PHKA1: variants seen among roughly 807,000 people sequenced by gnomAD.
PHKA1 encodes phosphorylase b kinase regulatory subunit alpha, skeletal muscle isoform.
Under a neutral mutation model 110.2 loss-of-function variants are expected in PHKA1, and 60 were observed. The ratio of observed to expected loss-of-function variants is 0.54; its 90% CI spans 0.44 to 0.68. The LOEUF is 0.68. PHKA1 is among the 30% of genes least tolerant of loss of function. PHKA1 has a pLI of 0.00. For synonymous variants in PHKA1, 316 were observed against 333.6 expected (o/e 0.95, Z 0.58); for missense variants, 801 against 942.5 (o/e 0.85, Z 1.97).
chrX:72,647,841 G>A (rs1313179717), intron 13 of PHKA1, among the ~76,000 whole-genome samples: 4 of 111,387 alleles, frequency 3.6e-5, no homozygotes, highest in African/African-American at 1.3e-4. Context: ...ATAGTTAGGG[G>A]GCAAAGAAGA....
chrX:72,582,423 G>C lies in PHKA1; in HGVS notation c.3473C>G (p.Ala1158Gly). ...CTGTTCTTGAAGGAACAAGTCATTGGCAATATGCACTATTTTTTCCACAGC... is the reference window on the plus strand; with the variant it reads ...CTGTTCTTGAAGGAACAAGTCATTGCCAATATGCACTATTTTTTCCACAGC... ...IIAVEKIVHI[A>G]NDLFLQEQKT... is the part of the protein sequence containing the mutation. The change falls in exon 31 of 32, where the codon GCC becomes GGC. Residue 1158 changes from alanine to glycine, a missense_variant. By Grantham distance (60) the Ala-to-Gly change is moderately conservative. Coordinates refer to ENST00000373542, the MANE Select transcript of PHKA1 (RefSeq NM_002637.4). 8.3e-7 allele frequency: 1 copy of C among 1,201,366 alleles called. No individual in the cohort carries two copies. Among genetic ancestry groups the C allele is most frequent in the Non-Finnish European group, 1.1e-6 (1 of 886,149 alleles).
intron 5 of PHKA1, among the ~76,000 whole-genome samples, chrX:72,677,351 G>A (rs1271433686): frequency 8.9e-6 from 1 of 111,787 alleles, no homozygotes; most frequent in Non-Finnish European, 1.9e-5. Context: ...CAATTCCACT[G>A]TTACTATTTT....
At chrX:72,678,059 T>A (rs556816153) in intron 5 of PHKA1, among the ~76,000 whole-genome samples, 1 of 111,274 alleles carries the variant, frequency 9.0e-6, no homozygotes, top group African/African-American at 3.3e-5. Flanking sequence ...AAACAAAACA[T>A]AACAAAATAA....
At chrX:72,597,531 C>T (rs889197612) in intron 28 of PHKA1, among the ~76,000 whole-genome samples, 25 of 111,016 alleles carry the variant, frequency 2.3e-4, no homozygotes, top group African/African-American at 8.2e-4. Context: ...TTTTTTTTAA[C>T]TTTTGTAGGT....
chrX:72,714,245 GC>G lies in PHKA1; in HGVS notation c.-366del, dbSNP rs2054429824. 5.8e-6 allele frequency: 1 copy of G among 173,640 alleles called. No homozygotes were observed. Among genetic ancestry groups the G allele is most frequent in the African/African-American group, 3.1e-5 (1 of 32,248 alleles). The allele number at this position is 173,640 out of a possible 1,213,427, so 14.3% of individuals were successfully genotyped here. On this transcript the variant is annotated 5_prime_UTR_variant, in exon 1 of 32. Transcript: ENST00000373542. ...GCGGCCCACAGCCTCCCGCCCGGCC[GC>G]CGCCAACAGGTCAACGACCGCTGCG...
chrX:72,702,273 C>A (rs2054214945), intron 3 of PHKA1, among the ~76,000 whole-genome samples: 1 of 110,900 alleles, frequency 9.0e-6, no homozygotes, highest in African/African-American at 3.3e-5. Flanking sequence ...CATGGTGAAA[C>A]CCCATATCTA....
intron 29 of PHKA1, among the ~76,000 whole-genome samples, chrX:72,584,902 TC>T (rs1341118123): frequency 2.2e-5 from 1 of 44,584 alleles, no homozygotes; most frequent in Non-Finnish European, 3.8e-5. Context: ...CCCTCCCCCC[TC>T]CCCCCACCCC....
Position 72,644,507 on chromosome X carries a change from CAAA to C in PHKA1, c.1325-14_1325-12del, listed in dbSNP as rs1416521795. On this transcript the variant is annotated splice_polypyrimidine_tract_variant and intron_variant, in intron 13 of 31. Transcript: ENST00000373542. Reference sequence around the variant, plus strand: ...CAGCTAGAATGGAGACTAGAGGAGACAAAGAAGATGAGGTCAACAGAAAATTTT... The same window carrying C: ...CAGCTAGAATGGAGACTAGAGGAGACGAAGATGAGGTCAACAGAAAATTTT... The C allele has an allele frequency of 8.3e-7, 1 of 1,199,176 alleles. No homozygotes were observed. The highest frequency in any genetic ancestry group is 1.1e-6 in the Non-Finnish European group (1 of 887,127).
chrX:72,676,260 C>CATATAT (rs376378016), intron 5 of PHKA1, 110 bp from the exon 6 acceptor site: 14 of 450,756 alleles, frequency 3.1e-5, no homozygotes, highest in African/African-American at 2.8e-4. Context: ...ACTAATTTGC[C>CATATAT]ATATATATAT....
At chrX:72,682,937 A>T (rs1435499889) in intron 5 of PHKA1, among the ~76,000 whole-genome samples, 91 of 98,404 alleles carry the variant, frequency 9.2e-4, no homozygotes, top group African/African-American at 2.6e-3. Flanking sequence ...AATAAATTAA[A>T]AAAAAAAAAA....
intron 14 of PHKA1, among the ~76,000 whole-genome samples, chrX:72,642,369 G>A (rs1603262208): frequency 9.0e-6 from 1 of 111,581 alleles, no homozygotes; most frequent in African/African-American, 3.3e-5. Context: ...TTTTGAGTGA[G>A]AGCCAGAGAG....
intron 3 of PHKA1, among the ~76,000 whole-genome samples, chrX:72,702,059 T>C (rs1049874394): frequency 1.2e-4 from 13 of 111,570 alleles, no homozygotes; most frequent in African/African-American, 3.6e-4. Context: ...TTCCTTTTTT[T>C]CCCCCATTTT....
chrX:72,616,251 C>T (rs1444063380), intron 21 of PHKA1, among the ~76,000 whole-genome samples: 1 of 111,473 alleles, frequency 9.0e-6, no homozygotes, highest in Non-Finnish European at 1.9e-5. Flanking sequence ...ACCTGTGGTC[C>T]CAGCTACTCA....
At chrX:72,598,513 A>C (rs1446879603) in intron 28 of PHKA1, among the ~76,000 whole-genome samples, 6 of 111,760 alleles carry the variant, frequency 5.4e-5, no homozygotes, top group Admixed American at 2.9e-4. Context: ...TATATCCAAG[A>C]GAAGTGAAAA....
At chrX:72,672,166 G>A (rs2053713286) in intron 6 of PHKA1, among the ~76,000 whole-genome samples, 1 of 111,814 alleles carries the variant, frequency 8.9e-6, no homozygotes, top group Non-Finnish European at 1.9e-5. Flanking sequence ...TGAGCTGAGT[G>A]AACACTGAAG....
intron 17 of PHKA1, among the ~76,000 whole-genome samples, chrX:72,625,180 T>A (rs2053039774): frequency 1.8e-5 from 2 of 111,769 alleles, no homozygotes; most frequent in African/African-American, 6.5e-5. Context: ...CACAGGGGTT[T>A]GGTGTACAAA....
intron 22 of PHKA1, among the ~76,000 whole-genome samples, chrX:72,610,823 T>C (rs1417543084): frequency 4.5e-5 from 5 of 111,903 alleles, no homozygotes; most frequent in Non-Finnish European, 9.4e-5. Context: ...AATATCATTA[T>C]AAAGATGTTA....
Position 72,582,568 on chromosome X carries a change from G to C in PHKA1, c.3328C>G (p.His1110Asp), listed in dbSNP as rs781971682. Residue 1110 changes from histidine to aspartate, a missense_variant, in exon 31 of 32, where the codon CAT becomes GAT. His to Asp is a moderately conservative substitution (Grantham distance 81, BLOSUM62 -1). Transcript: ENST00000373542. ...MTPGEIKFSV[H>D]VESVLNRVPQ... is the part of the protein sequence containing the mutation. Reference sequence around the variant, plus strand: ...ACACGATTCAGGACAGACTCCACATGAACAGAGAATTTAATCTCACCTGGA... The same window carrying C: ...ACACGATTCAGGACAGACTCCACATCAACAGAGAATTTAATCTCACCTGGA... 9.2e-6 allele frequency: 11 copies of C among 1,199,912 alleles called. No individual in the cohort carries two copies. Among genetic ancestry groups the C allele is most frequent in the Non-Finnish European group, 1.2e-5 (11 of 885,009 alleles).
intron 23 of PHKA1, 43 bp from the exon 24 acceptor site, chrX:72,605,662 C>A: frequency 1.0e-6 from 1 of 974,213 alleles, no homozygotes. Flanking sequence ...TCTACAACCA[C>A]TTAATCTTAA....
Sources: allele counts gnomAD v4.1 joint callset (sites outside exome capture counted in the v4.1 genomes callset), GRCh38; gene constraint gnomAD v4.1.1; transcripts MANE v1.5; gene names NCBI Gene and HGNC (gene_info 2026-07-23, HGNC 2026-07-21).